PDK3: variants seen among roughly 807,000 people sequenced by gnomAD.
PDK3 encodes pyruvate dehydrogenase kinase, isozyme 3.
PDK3 carries 12 observed loss-of-function variants against 32.0 expected under a neutral mutation model. The ratio of observed to expected loss-of-function variants is 0.37; its 90% CI spans 0.24 to 0.61. The LOEUF (loss-of-function observed/expected upper bound fraction) is 0.61. Among genes scored for constraint, PDK3 ranks in the 20% least tolerant of loss-of-function variants. PDK3 has a pLI of 0.65. For missense variants in PDK3, 188 were observed against 316.9 expected (o/e 0.59, Z 3.09); for synonymous variants, 122 against 116.3 (o/e 1.05, Z -0.31).
downstream of PDK3, chrX:24,539,295 T>A: frequency 4.4e-6 from 2 of 453,984 alleles, no homozygotes; most frequent in Non-Finnish European, 7.6e-6. Context: ...GTGTATTTTC[T>A]CTCTACCACC....
chrX:24,549,377 TA>T (rs772992456), exon 12 of PDK3: 1 of 112,178 alleles, frequency 8.9e-6, no homozygotes, highest in South Asian at 3.7e-4. Context: ...TGCATCTATT[TA>T]AAAATTACCA....
chrX:24,490,408 C>G (rs1921523723), intron 1 of PDK3, among the ~76,000 whole-genome samples: 1 of 94,986 alleles, frequency 1.1e-5, no homozygotes, highest in Admixed American at 1.1e-4. Context: ...TGTGAATGCT[C>G]TAGTCAAGAT....
intron 4 of PDK3, 87 bp downstream of exon 4, chrX:24,503,598 G>A: frequency 1.5e-6 from 1 of 682,029 alleles, no homozygotes; most frequent in Non-Finnish European, 2.1e-6. Flanking sequence ...TTACTGACCT[G>A]CATTTTTGGT....
intron 9 of PDK3, 130 bp from the exon 10 acceptor site, chrX:24,531,527 G>C: frequency 2.2e-6 from 1 of 445,122 alleles, no homozygotes. Flanking sequence ...TCATTGTAAA[G>C]GTTGAGTCAG....
chrX:24,496,771 C>CT (rs376346872), intron 2 of PDK3, among the ~76,000 whole-genome samples: 500 of 35,403 alleles, frequency 0.014, 93 homozygotes, highest in African/African-American at 0.034. Flanking sequence ...TCAAAATAAT[C>CT]TTTTTTTTTT....
downstream of PDK3, among the ~76,000 whole-genome samples, chrX:24,538,636 G>A (rs778388167): frequency 3.1e-4 from 34 of 110,660 alleles, no homozygotes; most frequent in Non-Finnish European, 4.9e-4. Context: ...AAAATTAGCC[G>A]GGCGGTGGTG....
intron 1 of PDK3, among the ~76,000 whole-genome samples, chrX:24,487,505 AT>A (rs1921433053): frequency 8.9e-6 from 1 of 111,759 alleles, no homozygotes; most frequent in Non-Finnish European, 1.9e-5. Context: ...AAAGTTGAAA[AT>A]TTTTTTTAAA....
At position 24,534,039 on chromosome X, in the gene PDK3, C is replaced by T. The variant is rs1242588981; in HGVS notation, c.1188C>T (p.Pro396=). The change falls in exon 11 of 11, where the codon CCC becomes CCT. Residue 396 remains proline (P), a synonymous_variant. Coordinates refer to ENST00000379162, the MANE Select transcript of PDK3 (RefSeq NM_005391.5). ...ADDWSNPSSE[P]RDASKYKAKQ is the part of the protein sequence containing the mutation. ...ATTGGAGCAATCCCAGCAGTGAACC[C>T]AGGGATGCTTCAAAATACAAAGCAA... 1 of 1,204,897 alleles carries T rather than the reference C, an allele frequency of 8.3e-7. No homozygotes were observed. Among genetic ancestry groups the T allele is most frequent in the Non-Finnish European group, 1.1e-6 (1 of 892,635 alleles).
At chrX:24,484,734 T>A (rs1349617052) in intron 1 of PDK3, among the ~76,000 whole-genome samples, 1 of 111,884 alleles carries the variant, frequency 8.9e-6, no homozygotes, top group Non-Finnish European at 1.9e-5. Context: ...GCATATTTTG[T>A]ATGAGATTTT....
At chrX:24,468,839 A>AT (rs1027094258) in intron 1 of PDK3, among the ~76,000 whole-genome samples, 2 of 112,137 alleles carry the variant, frequency 1.8e-5, no homozygotes, top group African/African-American at 6.5e-5. Context: ...AAAGGGTGGC[A>AT]TTTTTTAAAA....
intron 2 of PDK3, among the ~76,000 whole-genome samples, chrX:24,497,807 A>G (rs1401202731): frequency 8.9e-6 from 1 of 112,409 alleles, no homozygotes; most frequent in Non-Finnish European, 1.9e-5. Flanking sequence ...GAATAAAGGG[A>G]TAATTCTTTC....
At chrX:24,504,325 C>G (rs777169909) in intron 4 of PDK3, among the ~76,000 whole-genome samples, 1 of 112,117 alleles carries the variant, frequency 8.9e-6, no homozygotes, top group Non-Finnish European at 1.9e-5. Flanking sequence ...AATAAAAGAG[C>G]CTAAATACTG....
At position 24,541,538 on chromosome X, in the gene PDK3, G is replaced by C. The variant is rs1922895485; in HGVS notation, c.*2374G>C. Among the ~76,000 whole-genome samples the C allele has an allele frequency of 3.6e-5, 4 of 112,309 alleles. No homozygotes were observed. The South Asian group carries it at 1.5e-3, about 42-fold the overall frequency. ...TGACTTAATCGGTAGTTCTTTACTA[G>C]CACGCTTTTTGGCTTACTCACATCC... is the stretch of plus-strand genomic sequence containing the variant. On this transcript the variant is annotated 3_prime_UTR_variant, in exon 12 of 12. Coordinates refer to the PDK3 transcript ENST00000568479.
At chrX:24,538,803 A>ATTTT (rs1344343424), downstream of PDK3, among the ~76,000 whole-genome samples, 9 of 111,265 alleles carry the variant, frequency 8.1e-5, no homozygotes, top group Non-Finnish European at 1.1e-4. Context: ...AAAGTATACA[A>ATTTT]TTCCATATTT....
intron 6 of PDK3, among the ~76,000 whole-genome samples, chrX:24,523,882 T>C (rs1922458721): frequency 8.9e-6 from 1 of 111,773 alleles, no homozygotes; most frequent in Non-Finnish European, 1.9e-5. Flanking sequence ...GCCAGCTCCC[T>C]CATACAGTGA....
chrX:24,505,328 G>T (rs774761147), intron 5 of PDK3, 30 bp downstream of exon 5: 3 of 1,081,221 alleles, frequency 2.8e-6, no homozygotes, highest in Non-Finnish European at 3.8e-6. Context: ...GGTATCGATC[G>T]TAGTTCAAAT....
intron 5 of PDK3, among the ~76,000 whole-genome samples, chrX:24,516,086 C>T (rs1450246194): frequency 9.0e-6 from 1 of 111,177 alleles, no homozygotes; most frequent in Non-Finnish European, 1.9e-5. Context: ...CTGAACATAC[C>T]CTAATCTTAT....
At chrX:24,513,842 A>G (rs60829583) in intron 5 of PDK3, among the ~76,000 whole-genome samples, 4 of 112,120 alleles carry the variant, frequency 3.6e-5, no homozygotes, top group Non-Finnish European at 7.5e-5. Context: ...TTATTAAAAA[A>G]TAAAATAAAA....
chrX:24,542,632 ATAGT>A (rs1299810993), exon 12 of PDK3, among the ~76,000 whole-genome samples: 1 of 112,471 alleles, frequency 8.9e-6, no homozygotes, highest in Admixed American at 9.4e-5. Context: ...CCATTTTGGC[ATAGT>A]TAGAGGAGAT....
Sources: allele counts gnomAD v4.1 joint callset (sites outside exome capture counted in the v4.1 genomes callset), GRCh38; gene constraint gnomAD v4.1.1; transcripts MANE v1.5; gene names NCBI Gene and HGNC (gene_info 2026-07-23, HGNC 2026-07-21).